Variants in RAB15 observed in about 807,000 individuals in gnomAD.
The protein encoded by RAB15 is RAB15, member RAS oncogene family, also known as ras-related protein Rab-15.
A neutral mutation model predicts 31.8 loss-of-function variants in RAB15; 13 were observed. The observed-to-expected ratio is 0.41, with a 90% CI of 0.27 to 0.65. The LOEUF is 0.65. RAB15 is among the 30% of genes least tolerant of loss of function. The probability of loss-of-function intolerance (pLI) is 0.32; values close to 1 mark genes in which losing one functional copy is unlikely to be tolerated. For synonymous variants in RAB15, 100 were observed against 105.6 expected, an observed-to-expected ratio of 0.95 and a Z score of 0.33; for missense variants, 220 against 277.3, an observed-to-expected ratio of 0.79 and a Z score of 1.47.
intron 1 of RAB15, among the ~76,000 whole-genome samples, chr14:64,965,811 G>A (rs1008698788): frequency 6.6e-6 from 1 of 152,210 alleles, no homozygotes; most frequent in Non-Finnish European, 1.5e-5. Context: ...AGGTAGGCGG[G>A]AGGAACCGGT....
chr14:64,952,320 T>C lies in RAB15; in HGVS notation c.185+191A>G, dbSNP rs1277452202. Among the ~76,000 whole-genome samples, 1 of 152,170 alleles carries C rather than the reference T, an allele frequency of 6.6e-6. No individual in the cohort carries two copies. Among genetic ancestry groups the C allele is most frequent in the Non-Finnish European group, 1.5e-5 (1 of 68,036 alleles). ...CCTTTGGTGCTTGTAGTCAATCCCC[T>C]AAAGTTTCTTAGAGGTTGGAGATTA... On this transcript the variant is annotated intron_variant, in intron 2 of 6. Transcript: ENST00000533601. The surrounding 1 kb of genome is among the most constrained non-coding windows in gnomAD (Gnocchi z 4.2).
Position 64,971,331 on chromosome 14 carries a change from T to A in RAB15, c.124+622A>T, listed in dbSNP as rs921700901. Among the ~76,000 whole-genome samples, 1 of 152,106 alleles carries A rather than the reference T, an allele frequency of 6.6e-6. No individual in the cohort carries two copies. Among genetic ancestry groups the A allele is most frequent in the Non-Finnish European group, 1.5e-5 (1 of 67,996 alleles). ...GGCAGGTATTCCTGACACTCCTCCA[T>A]CCTCTTTAGCCTCCCTCAGAACAGA... On this transcript the variant is annotated intron_variant, in intron 1 of 6. Transcript: ENST00000533601. This position sits in a 1 kb window ranked among gnomAD's most constrained non-coding sequence, Gnocchi z 4.1.
Position 64,951,040 on chromosome 14 carries a change from C to T in RAB15, c.324+34G>A, listed in dbSNP as rs772623135. The T allele has an allele frequency of 1.9e-6, 3 of 1,613,580 alleles. No homozygotes were observed. The highest frequency in any genetic ancestry group is 2.5e-6 in the Non-Finnish European group (3 of 1,180,002). On this transcript the variant is annotated intron_variant, in intron 4 of 6. Transcript: ENST00000533601. The surrounding 1 kb of genome is among the most constrained non-coding windows in gnomAD (Gnocchi z 7.2). ...CTTGCCTTCCCCGGTGAGGCACCCT[C>T]TCCACACCCCGGCAGTGAGGTGGCA...
rs1886051265 is a variant in RAB15, at chr14:64,948,581, AG to A, written c.481-70del. 4 of 1,606,062 alleles carry A rather than the reference AG, an allele frequency of 2.5e-6. No individual in the cohort carries two copies. The East Asian group carries it at 8.9e-5, about 36-fold the overall frequency. ...CCCCTGGCAACCCTGCAGCGGCCTGAGGGATAAGGTCCATCTTATGGCTCCT... is the reference window on the plus strand; with the variant it reads ...CCCCTGGCAACCCTGCAGCGGCCTGAGGATAAGGTCCATCTTATGGCTCCT... On this transcript the variant is annotated intron_variant, in intron 6 of 6. Transcript: ENST00000533601. The surrounding 1 kb of genome is among the most constrained non-coding windows in gnomAD (Gnocchi z 7.0).
rs1886263355 is a variant in RAB15, at chr14:64,951,696, G to T, written c.186-33C>A. ...AGAAAGCCAGTCCCTCAGAGGAGCA[G>T]GGACCATGGGAACAGACGGGGAGGG... On this transcript the variant is annotated intron_variant, in intron 2 of 6. Coordinates refer to ENST00000533601, the MANE Select transcript of RAB15 (RefSeq NM_001308154.2). This position sits in a 1 kb window ranked among gnomAD's most constrained non-coding sequence, Gnocchi z 7.2. 3.2e-6 allele frequency: 5 copies of T among 1,586,408 alleles called. No individual in the cohort carries two copies. Among genetic ancestry groups the T allele is most frequent in the African/African-American group, 1.3e-5 (1 of 74,316 alleles).
chr14:64,950,182 C>G lies in RAB15; in HGVS notation c.414+143G>C, dbSNP rs1886169939. ...CAGACAACAAGCCTTCCGAGGATGGCCACTCCCCCAGGGCCTTGGGGTGCT... is the reference window on the plus strand; with the variant it reads ...CAGACAACAAGCCTTCCGAGGATGGGCACTCCCCCAGGGCCTTGGGGTGCT... On this transcript the variant is annotated intron_variant, in intron 5 of 6. Transcript: ENST00000533601. This position sits in a 1 kb window ranked among gnomAD's most constrained non-coding sequence, Gnocchi z 5.6. 1 of 723,524 alleles carries G rather than the reference C, an allele frequency of 1.4e-6. No homozygotes were observed. Among genetic ancestry groups the G allele is most frequent in the Non-Finnish European group, 2.5e-6 (1 of 405,388 alleles). The allele number at this position is 723,524 out of a possible 1,614,324, so 44.8% of individuals were successfully genotyped here.
chr14:64,958,950 G>A lies in RAB15; in HGVS notation c.125-6379C>T, dbSNP rs1033294526. On this transcript the variant is annotated intron_variant, in intron 1 of 6. Transcript: ENST00000533601. The surrounding 1 kb of genome is among the most constrained non-coding windows in gnomAD (Gnocchi z 4.4). ...AGAGAAGCAGGGCTGGGTGCAACAT[G>A]TTCTTTGTGGAGAAGCAGGTTCAGA... Among the ~76,000 whole-genome samples, 1 of 152,200 alleles carries A rather than the reference G, an allele frequency of 6.6e-6. No individual in the cohort carries two copies. Among genetic ancestry groups the A allele is most frequent in the Non-Finnish European group, 1.5e-5 (1 of 68,034 alleles).
chr14:64,972,015 T>G lies in RAB15; in HGVS notation c.62A>C (p.Lys21Thr). 6.2e-7 allele frequency: 1 copy of G among 1,609,320 alleles called. No homozygotes were observed. Among genetic ancestry groups the G allele is most frequent in the Non-Finnish European group, 8.5e-7 (1 of 1,178,004 alleles). The change falls in exon 1 of 7, where the codon AAG becomes ACG. Residue 21 changes from lysine (K) to threonine (T), a missense_variant. Physicochemically the swap from Lys to Thr is moderately conservative, Grantham distance 78. Transcript: ENST00000533601. This position sits in a 1 kb window ranked among gnomAD's most constrained non-coding sequence, Gnocchi z 6.3. The stretch of plus-strand genomic sequence containing the variant: ...GGTGAAGCGGCACAGCAGGCAGGTC[T>G]TGCCCACCCCGGAGTCCCCGATCAG... ...LLLIGDSGVG[K>T]TCLLCRFTDN...
Position 64,951,672 on chromosome 14 carries a change from G to T in RAB15, c.186-9C>A, listed in dbSNP as rs1566842648. The T allele has an allele frequency of 1.2e-6, 2 of 1,613,068 alleles. No individual in the cohort carries two copies. The highest frequency in any genetic ancestry group is 8.5e-7 in the Non-Finnish European group (1 of 1,178,980). The stretch of plus-strand genomic sequence containing the variant: ...CCTGCCCTGCAGTGTCCCTGCAGGA[G>T]AAAGCCAGTCCCTCAGAGGAGCAGG... On this transcript the variant is annotated splice_polypyrimidine_tract_variant and intron_variant, in intron 2 of 6. Coordinates refer to ENST00000533601, the MANE Select transcript of RAB15 (RefSeq NM_001308154.2). This position sits in a 1 kb window ranked among gnomAD's most constrained non-coding sequence, Gnocchi z 7.2.
At chr14:64,965,425 A>C (rs1190674851) in intron 1 of RAB15, among the ~76,000 whole-genome samples, 2 of 152,064 alleles carry the variant, frequency 1.3e-5, no homozygotes, top group African/African-American at 4.8e-5. Flanking sequence ...AGCCATTTGC[A>C]CTCCAGCCTG....
rs1885911687 is a variant in RAB15 at position 64,946,168 on chromosome 14, C to G, written c.*2186G>C. On this transcript the variant is annotated 3_prime_UTR_variant, in exon 7 of 7. Transcript: ENST00000533601. The stretch of plus-strand genomic sequence containing the variant: ...GCCCTTGTGGATAGGGCCTATCAGT[C>G]TATAGAATCCTGATTCCATGTTTTC... The G allele has an allele frequency of 6.6e-6, 1 of 152,288 alleles. No individual in the cohort carries two copies. Among genetic ancestry groups the G allele is most frequent in the Non-Finnish European group, 1.5e-5 (1 of 68,068 alleles). The allele number at this position is 152,288 out of a possible 1,614,324, so 9.4% of individuals were successfully genotyped here. A position where few individuals can be genotyped will look rare whatever the true frequency, so the allele number is the denominator to read the frequency against.
chr14:64,949,157 G>A (rs1886088781), intron 5 of RAB15, among the ~76,000 whole-genome samples: 1 of 152,326 alleles, frequency 6.6e-6, no homozygotes, highest in Non-Finnish European at 1.5e-5. Flanking sequence ...TGTTAAAGGA[G>A]ACTGAGTGTG....
At position 64,952,784 on chromosome 14, in the gene RAB15, C is replaced by T. The variant is rs1293865823; in HGVS notation, c.125-213G>A. Among the ~76,000 whole-genome samples the T allele has an allele frequency of 6.6e-6, 1 of 152,142 alleles. No individual in the cohort carries two copies. The highest frequency in any genetic ancestry group is 1.5e-5 in the Non-Finnish European group (1 of 68,034). On this transcript the variant is annotated intron_variant, in intron 1 of 6. Transcript: ENST00000533601. The surrounding 1 kb of genome is among the most constrained non-coding windows in gnomAD (Gnocchi z 4.2). ...CCTCCCTCCCTGAGCTGAAAGTTGC[C>T]ACAAGTAAAGGCCCTGGGGGACCCA...
Position 64,954,615 on chromosome 14 carries a change from C to T in RAB15, c.125-2044G>A, listed in dbSNP as rs1329205397. 3.8e-6 allele frequency: 3 copies of T among 791,310 alleles called. No individual in the cohort carries two copies. Among genetic ancestry groups the T allele is most frequent in the East Asian group, 2.5e-4 (2 of 7,924 alleles). The allele number at this position is 791,310 out of a possible 1,614,324, so 49.0% of individuals were successfully genotyped here. A position where few individuals can be genotyped will look rare whatever the true frequency, so the allele number is the denominator to read the frequency against. On this transcript the variant is annotated intron_variant, in intron 1 of 6. Transcript: ENST00000533601. The surrounding 1 kb of genome is among the most constrained non-coding windows in gnomAD (Gnocchi z 4.3). ...AGTGCAGACAGAGCAGTGAAAAAGA[C>T]ATGGCCCCTGCCCTCAGAGAGCCTA...
At chr14:64,966,552 A>T (rs1887152883) in intron 1 of RAB15, among the ~76,000 whole-genome samples, 1 of 151,912 alleles carries the variant, frequency 6.6e-6, no homozygotes, top group Admixed American at 6.6e-5. Context: ...AATAAATAAA[A>T]TAATAATAAT....
chr14:64,948,287 G>C lies in RAB15; in HGVS notation c.*67C>G, dbSNP rs1160851651. On this transcript the variant is annotated 3_prime_UTR_variant, in exon 7 of 7. Transcript: ENST00000533601. The surrounding 1 kb of genome is among the most constrained non-coding windows in gnomAD (Gnocchi z 7.0). ...AGGACAGCAGCAGGGCAAAGCCCCG[G>C]CTCCCCTGTCTGCCCACGGGCCTCC... 2.1e-6 allele frequency: 3 copies of C among 1,421,892 alleles called. No homozygotes were observed. Among genetic ancestry groups the C allele is most frequent in the Non-Finnish European group, 2.8e-6 (3 of 1,084,856 alleles). 88.1% of individuals were successfully genotyped at this position (1,421,892 alleles called of 1,614,324 possible).
Position 64,947,290 on chromosome 14 carries a change from C to T in RAB15, c.*1064G>A, listed in dbSNP as rs1368555952. ...CAAACTGCTGTCCCTGGCCAGCTCT[C>T]CCTTGCTCTTAACCTGATACATAGG... is the stretch of plus-strand genomic sequence containing the variant. On this transcript the variant is annotated 3_prime_UTR_variant, in exon 7 of 7. Transcript: ENST00000533601. The surrounding 1 kb of genome is among the most constrained non-coding windows in gnomAD (Gnocchi z 5.6). The T allele has an allele frequency of 5.2e-5, 8 of 152,724 alleles. No individual in the cohort carries two copies. The highest frequency in any genetic ancestry group is 4.6e-4 in the Admixed American group (7 of 15,280). The allele number at this position is 152,724 out of a possible 1,614,324, so 9.5% of individuals were successfully genotyped here. A position where few individuals can be genotyped will look rare whatever the true frequency, so the allele number is the denominator to read the frequency against.
rs1374876538 is a variant in RAB15, at chr14:64,971,922, G to A, written c.124+31C>T. On this transcript the variant is annotated intron_variant, in intron 1 of 6. Transcript: ENST00000533601. This position sits in a 1 kb window ranked among gnomAD's most constrained non-coding sequence, Gnocchi z 4.1. The stretch of plus-strand genomic sequence containing the variant: ...CGGGGAAAGGGGCCGCGGGCGGGGA[G>A]GGAGGGGCGCCCCGGGCCACCGCCC... 2.6e-6 allele frequency: 4 copies of A among 1,544,050 alleles called. No homozygotes were observed. The highest frequency in any genetic ancestry group is 1.2e-5 in the South Asian group (1 of 84,084).
rs777573156 is a variant in RAB15 at position 64,962,239 on chromosome 14, C to CAAAA, written c.125-9672_125-9669dup. Reference sequence around the variant, plus strand: ...CAAAAAACAAAACAAAACAAACAAACAAAAAACAGTCCCAAGAAACCAATA... The same window carrying CAAAA: ...CAAAAAACAAAACAAAACAAACAAACAAAAAAAAAACAGTCCCAAGAAACCAATA... On this transcript the variant is annotated intron_variant, in intron 1 of 6. Transcript: ENST00000533601. This position sits in a 1 kb window ranked among gnomAD's most constrained non-coding sequence, Gnocchi z 4.2. Among the ~76,000 whole-genome samples, 6 of 152,026 alleles carry CAAAA rather than the reference C, an allele frequency of 3.9e-5. No individual in the cohort carries two copies. Among genetic ancestry groups the CAAAA allele is most frequent in the Non-Finnish European group, 5.9e-5 (4 of 68,000 alleles).
Sources: allele counts gnomAD v4.1 joint callset (sites outside exome capture counted in the v4.1 genomes callset), GRCh38; gene constraint gnomAD v4.1.1; non-coding constraint Gnocchi (gnomAD v3.1); transcripts MANE v1.5; gene names NCBI Gene and HGNC (gene_info 2026-07-23, HGNC 2026-07-21).